The following LMBR1 variants were observed in gnomAD, a reference collection of about 807,000 sequenced individuals.
LMBR1 encodes the protein limb development membrane protein 1.
Under a neutral mutation model 73.9 loss-of-function variants are expected in LMBR1, and 52 were observed. The observed-to-expected ratio is 0.70, with a 90% CI of 0.56 to 0.89. The LOEUF (loss-of-function observed/expected upper bound fraction) is 0.89, where lower values mean the gene tolerates loss of function less well. Ranked by LOEUF, LMBR1 falls within the 40% of genes least tolerant of loss-of-function variation. The probability of loss-of-function intolerance (pLI) is 0.00; values close to 1 mark genes in which losing one functional copy is unlikely to be tolerated. For missense variants in LMBR1, 539 were observed against 579.8 expected (o/e 0.93, Z 0.72); for synonymous variants, 215 against 209.4 (o/e 1.03, Z -0.23).
At chr7:156,810,914 G>A (rs556789361) in intron 4 of LMBR1, among the ~76,000 whole-genome samples, 275 of 151,474 alleles carry the variant, frequency 1.8e-3, no homozygotes, top group African/African-American at 6.0e-3. Context: ...GGGTTCAAGC[G>A]ATTCTCCTCC....
intron 5 of LMBR1, among the ~76,000 whole-genome samples, chr7:156,793,816 A>G (rs1335965860): frequency 1.3e-5 from 2 of 152,230 alleles, no homozygotes; most frequent in Non-Finnish European, 2.9e-5. Context: ...GAATAATCAC[A>G]TCTCATTTAA....
At chr7:156,730,222 T>C (rs1816586561) in intron 10 of LMBR1, among the ~76,000 whole-genome samples, 1 of 152,176 alleles carries the variant, frequency 6.6e-6, no homozygotes, top group African/African-American at 2.4e-5. Context: ...TGGCAGACAG[T>C]GCCACTTTCC....
chr7:156,729,850 C>T (rs78273165), intron 10 of LMBR1, among the ~76,000 whole-genome samples: 12 of 152,230 alleles, frequency 7.9e-5, no homozygotes, highest in Non-Finnish European at 1.3e-4. Context: ...CCTATAACAC[C>T]AATCCTCATG....
chr7:156,847,242 T>C (rs1285836489), intron 1 of LMBR1, among the ~76,000 whole-genome samples: 1 of 152,156 alleles, frequency 6.6e-6, no homozygotes, highest in Non-Finnish European at 1.5e-5. Context: ...TGCATAAAAA[T>C]GAATCTAGAC....
Position 156,680,630 on chromosome 7 carries a change from A to AAT in LMBR1, c.*3446_*3447dup, listed in dbSNP as rs1437027366. On this transcript the variant is annotated 3_prime_UTR_variant, in exon 17 of 17. Transcript: ENST00000353442. Reference sequence around the variant, plus strand: ...CTAAATAATTCAAGTAATTAAATAAAATACATGCTATCAATTATTGATGCT... The same window carrying AAT: ...CTAAATAATTCAAGTAATTAAATAAAATATACATGCTATCAATTATTGATGCT... 6.5e-6 allele frequency: 1 copy of AAT among 153,174 alleles called. No individual in the cohort carries two copies. The highest frequency in any genetic ancestry group is 1.5e-5 in the Non-Finnish European group (1 of 68,766). The allele number at this position is 153,174 out of a possible 1,614,324, so 9.5% of individuals were successfully genotyped here.
intron 4 of LMBR1, among the ~76,000 whole-genome samples, chr7:156,824,785 C>T (rs949841911): frequency 1.3e-5 from 2 of 151,304 alleles, no homozygotes; most frequent in Admixed American, 1.3e-4. Flanking sequence ...GTGGAGCCTG[C>T]AGACAGCCAT....
At chr7:156,852,759 G>A (rs1179741567) in intron 1 of LMBR1, among the ~76,000 whole-genome samples, 1 of 152,178 alleles carries the variant, frequency 6.6e-6, no homozygotes, top group Admixed American at 6.5e-5. Context: ...AGAGAACAGA[G>A]ATGCTGTTAA....
intron 3 of LMBR1, among the ~76,000 whole-genome samples, chr7:156,832,390 T>C (rs183027850): frequency 6.6e-6 from 1 of 152,338 alleles, no homozygotes; most frequent in African/African-American, 2.4e-5. Context: ...ATTCACAATG[T>C]TGCACAATCA....
Position 156,892,731 on chromosome 7 carries a change from G to A in LMBR1, c.66+197C>T, listed in dbSNP as rs1281777136. 1.8e-5 allele frequency: 7 copies of A among 390,100 alleles called. No individual in the cohort carries two copies. The East Asian group carries it at 2.5e-4, about 14-fold the overall frequency. 24.2% of individuals were successfully genotyped at this position (390,100 alleles called of 1,614,324 possible). ...CAGGCAGAGGAAGCGAAGGGGAGGG[G>A]AGGGGAGAGGAGAGGTGGGGAGGGA... On this transcript the variant is annotated intron_variant, in intron 1 of 16. Coordinates refer to ENST00000353442, the MANE Select transcript of LMBR1 (RefSeq NM_022458.4).
intron 5 of LMBR1, among the ~76,000 whole-genome samples, chr7:156,783,998 G>GTTTT (rs59262090): frequency 5.1e-5 from 7 of 135,998 alleles, no homozygotes; most frequent in African/African-American, 1.6e-4. Context: ...GTTTTTTTCT[G>GTTTT]TTTTTTTTTT....
At chr7:156,837,771 G>C (rs1328221703) in intron 1 of LMBR1, among the ~76,000 whole-genome samples, 1 of 145,786 alleles carries the variant, frequency 6.9e-6, no homozygotes, top group African/African-American at 2.5e-5. Context: ...ATTAAATTCT[G>C]TATTTTTAAT....
At chr7:156,793,746 T>C (rs1189367277) in intron 5 of LMBR1, among the ~76,000 whole-genome samples, 1 of 152,206 alleles carries the variant, frequency 6.6e-6, no homozygotes, top group African/African-American at 2.4e-5. Flanking sequence ...ACCTCGAAGA[T>C]AAAGGTAATT....
At chr7:156,712,380 C>A (rs1307218781) in intron 15 of LMBR1, among the ~76,000 whole-genome samples, 1 of 151,906 alleles carries the variant, frequency 6.6e-6, no homozygotes, top group Non-Finnish European at 1.5e-5. Flanking sequence ...GGAGAGGATG[C>A]AGAAAAAAGG....
At chr7:156,868,262 C>T (rs933996224) in intron 1 of LMBR1, among the ~76,000 whole-genome samples, 6 of 149,722 alleles carry the variant, frequency 4.0e-5, no homozygotes, top group African/African-American at 1.5e-4. Flanking sequence ...GGTGCAATCT[C>T]GGCTCACTGA....
chr7:156,839,295 T>A (rs908668113), intron 1 of LMBR1, among the ~76,000 whole-genome samples: 4 of 152,006 alleles, frequency 2.6e-5, no homozygotes, highest in African/African-American at 9.7e-5. Context: ...GTGATCCACC[T>A]GTGTCAGCCT....
chr7:156,861,087 C>T, intron 1 of LMBR1, among the ~76,000 whole-genome samples: 1 of 152,244 alleles, frequency 6.6e-6, no homozygotes, highest in South Asian at 2.1e-4. Flanking sequence ...GCTCCAACCC[C>T]ACATTTCCCT....
At chr7:156,774,651 G>A (rs752607449) in intron 5 of LMBR1, among the ~76,000 whole-genome samples, 11 of 152,106 alleles carry the variant, frequency 7.2e-5, no homozygotes, top group Non-Finnish European at 1.3e-4. Context: ...GGCTAACATG[G>A]TGAAACCTCA....
chr7:156,798,498 G>A (rs1027607837), intron 4 of LMBR1, among the ~76,000 whole-genome samples: 1 of 152,024 alleles, frequency 6.6e-6, no homozygotes, highest in Non-Finnish European at 1.5e-5. Context: ...TATCATATAC[G>A]CAACTTTTAA....
chr7:156,735,256 G>A (rs1008939294), intron 9 of LMBR1, among the ~76,000 whole-genome samples: 19 of 152,142 alleles, frequency 1.2e-4, no homozygotes, highest in African/African-American at 3.4e-4. Flanking sequence ...AGCTTTGAAA[G>A]TATCTATTTT....
Sources: gnomAD v4.1 joint callset for allele counts (sites outside exome capture counted in the v4.1 genomes callset) on GRCh38, gnomAD v4.1.1 for gene constraint, MANE v1.5 for transcripts, NCBI Gene and HGNC (gene_info 2026-07-23, HGNC 2026-07-21) for gene names.